TMC5: variants seen among roughly 807,000 people sequenced by gnomAD.
The protein encoded by TMC5 is transmembrane channel like 5, also known as transmembrane channel-like protein 5.
TMC5 carries 86 observed loss-of-function variants against 110.5 expected under a neutral mutation model. The ratio of observed to expected loss-of-function variants is 0.78; its 90% CI spans 0.65 to 0.93. TMC5 has a LOEUF of 0.93. Among genes scored for constraint, TMC5 ranks in the 40% least tolerant of loss-of-function variants. The pLI, the probability that TMC5 is intolerant of heterozygous loss-of-function variation, is 0.00. For synonymous variants in TMC5, 455 were observed against 439.5 expected, an observed-to-expected ratio of 1.04 and a Z score of -0.44; for missense variants, 1,144 against 1,222.8, an observed-to-expected ratio of 0.94 and a Z score of 0.96.
At chr16:19,486,622 C>T (rs979245248) in intron 15 of TMC5, among the ~76,000 whole-genome samples, 1 of 152,046 alleles carries the variant, frequency 6.6e-6, no homozygotes, top group Non-Finnish European at 1.5e-5. Context: ...GGTGATTCAC[C>T]CCCTCTTGGC....
rs1168428627 is a variant in TMC5, at chr16:19,465,033, TTCTTTCTTTCTTTC to T, written c.1485+1011_1485+1024del. On this transcript the variant is annotated intron_variant, in intron 8 of 21. Coordinates refer to ENST00000542583, the MANE Select transcript of TMC5 (RefSeq NM_001261841.2). ...TTTCTTTCTTTCTTTCTTTCTTTCTTTCTTTCTTTCTTTCTTTCTTTCTTTTCCTTCCTTCCTTC... is the reference window on the plus strand; with the variant it reads ...TTTCTTTCTTTCTTTCTTTCTTTCTTTTTCTTTCTTTTCCTTCCTTCCTTC... 1.2e-3 allele frequency among the ~76,000 whole-genome samples: 155 copies of T among 124,814 alleles called. 1 individual carries two copies. The highest frequency in any genetic ancestry group is 3.5e-3 in the African/African-American group (117 of 33,368). The allele number at this position is 124,814 out of a possible 152,430, so 81.9% of individuals were successfully genotyped here.
At chr16:19,459,832 C>A (rs1017342964) in intron 5 of TMC5, among the ~76,000 whole-genome samples, 1 of 144,020 alleles carries the variant, frequency 6.9e-6, no homozygotes, top group African/African-American at 2.5e-5. Flanking sequence ...GTGGGAGGAT[C>A]GCTTAAGTCC....
chr16:19,420,494 T>G (rs889389455), intron 1 of TMC5, among the ~76,000 whole-genome samples: 3 of 151,536 alleles, frequency 2.0e-5, no homozygotes, highest in Admixed American at 2.0e-4. Flanking sequence ...AGAGTTTCAC[T>G]CTGTCCCCCA....
At chr16:19,490,256 T>A (rs1329644588) in intron 17 of TMC5, 139 bp from the exon 18 acceptor site, 5 of 830,298 alleles carry the variant, frequency 6.0e-6, no homozygotes, top group Non-Finnish European at 9.6e-6. Context: ...AGCAAGAGGG[T>A]TTCTTTGGGA....
intron 1 of TMC5, among the ~76,000 whole-genome samples, chr16:19,429,487 A>G (rs563098445): frequency 6.6e-6 from 1 of 152,342 alleles, no homozygotes; most frequent in East Asian, 1.9e-4. Flanking sequence ...ACACATTCCC[A>G]GAAAGAGCAA....
At chr16:19,460,420 T>C (rs192755498) in intron 6 of TMC5, 86 bp downstream of exon 6, 3 of 930,026 alleles carry the variant, frequency 3.2e-6, no homozygotes, top group African/African-American at 3.4e-5. Context: ...AGATAAGAAA[T>C]AAATAAGCAC....
chr16:19,449,608 G>A lies in TMC5; in HGVS notation c.1025G>A (p.Cys342Tyr), dbSNP rs1166345852. The part of the protein sequence containing the change: ...HAYGNPPLSE[C>Y]DWHKSPQGQK... ...TATGGAAACCCACCATTGTCTGAAT[G>A]TGATTGGCACAAGTCACCCCAAGGT... Residue 342 changes from cysteine (C) to tyrosine (Y), a missense_variant, in exon 5 of 22, where the codon TGT becomes TAT. By Grantham distance (194) the Cys-to-Tyr change is radical (BLOSUM62 -2). Coordinates refer to ENST00000542583, the MANE Select transcript of TMC5 (RefSeq NM_001261841.2). 1 of 1,614,050 alleles carries A rather than the reference G, an allele frequency of 6.2e-7. No individual in the cohort carries two copies. Among genetic ancestry groups the A allele is most frequent in the Non-Finnish European group, 8.5e-7 (1 of 1,180,036 alleles).
At chr16:19,466,373 A>G (rs983500013) in intron 9 of TMC5, 140 bp downstream of exon 9, 1 of 951,808 alleles carries the variant, frequency 1.1e-6, no homozygotes. Context: ...TCTTTCTTAG[A>G]TAGAGTCTCG....
intron 2 of TMC5, among the ~76,000 whole-genome samples, chr16:19,431,569 G>C (rs1967197940): frequency 6.6e-6 from 1 of 151,288 alleles, no homozygotes; most frequent in South Asian, 2.1e-4. Flanking sequence ...AGAAGAAGAA[G>C]AAGACAAAAT....
At chr16:19,419,337 T>C (rs917664363) in intron 1 of TMC5, among the ~76,000 whole-genome samples, 7 of 151,836 alleles carry the variant, frequency 4.6e-5, no homozygotes, top group Non-Finnish European at 1.0e-4. Flanking sequence ...ATTATTGTTA[T>C]TGTTTGACTA....
intron 1 of TMC5, among the ~76,000 whole-genome samples, chr16:19,426,854 C>G (rs1307096360): frequency 6.6e-6 from 1 of 152,122 alleles, no homozygotes; most frequent in African/African-American, 2.4e-5. Context: ...TGCAGTGATT[C>G]TTAAACTTTG....
intron 2 of TMC5, among the ~76,000 whole-genome samples, chr16:19,434,491 GAT>G (rs1555480121): frequency 9.2e-5 from 7 of 76,338 alleles, no homozygotes; most frequent in Non-Finnish European, 2.5e-5. Flanking sequence ...TAGATAGATA[GAT>G]ATAGAGAGAG....
chr16:19,464,533 C>G (rs974181633), intron 8 of TMC5, among the ~76,000 whole-genome samples: 8 of 152,148 alleles, frequency 5.3e-5, no homozygotes, highest in African/African-American at 1.7e-4. Flanking sequence ...TGTTTTTATC[C>G]ACACACTTTT....
At chr16:19,444,388 C>A in intron 4 of TMC5, 138 bp downstream of exon 4, 1 of 730,712 alleles carries the variant, frequency 1.4e-6, no homozygotes, top group Non-Finnish European at 2.2e-6. Flanking sequence ...TTTTTACATA[C>A]AAAAGTTGAG....
In TMC5 at chr16:19,423,777, A is replaced by C. The variant is rs180754762; in HGVS notation, c.-308+5685A>C. 3.1e-3 allele frequency among the ~76,000 whole-genome samples: 478 copies of C among 152,060 alleles called. 2 individuals are homozygous for C. The highest frequency in any genetic ancestry group is 0.011 in the African/African-American group (467 of 41,498). ...TATTATTATTATTATTTTGAGACAG[A>C]ATCTTTCTCTGTTACCCAGGCTGGA... On this transcript the variant is annotated intron_variant, in intron 1 of 21. Coordinates refer to ENST00000542583, the MANE Select transcript of TMC5 (RefSeq NM_001261841.2).
chr16:19,438,583 C>G (rs1967410118), intron 2 of TMC5, among the ~76,000 whole-genome samples: 4 of 151,462 alleles, frequency 2.6e-5, no homozygotes, highest in Admixed American at 6.6e-5. Context: ...CCTGTCTCTA[C>G]TAAAAATACA....
chr16:19,460,707 TA>T (rs745384519), intron 6 of TMC5, among the ~76,000 whole-genome samples: 1 of 152,164 alleles, frequency 6.6e-6, no homozygotes, highest in African/African-American at 2.4e-5. Flanking sequence ...TACTCTCTCC[TA>T]AAACCCACAA....
intron 6 of TMC5, chr16:19,462,481 A>T: frequency 1.4e-6 from 1 of 700,632 alleles, no homozygotes; most frequent in South Asian, 1.5e-5. Flanking sequence ...AAGAGGTTTA[A>T]TGGACTCACT....
intron 19 of TMC5, among the ~76,000 whole-genome samples, chr16:19,492,932 A>ATC (rs35775078): frequency 0.049 from 4,900 of 99,926 alleles, 728 homozygotes; most frequent in Non-Finnish European, 0.071. Flanking sequence ...ATATATATAT[A>ATC]TCTCTCTATA....
Sources: gnomAD v4.1 joint callset for allele counts (sites outside exome capture counted in the v4.1 genomes callset) on GRCh38, gnomAD v4.1.1 for gene constraint, MANE v1.5 for transcripts, NCBI Gene and HGNC (gene_info 2026-07-23, HGNC 2026-07-21) for gene names.